PHACTR1: variants seen among roughly 807,000 people sequenced by gnomAD.
PHACTR1 encodes phosphatase and actin regulator 1, also known as RPEL repeat containing 1.
Under a neutral mutation model 69.2 loss-of-function variants are expected in PHACTR1, and 16 were observed. That is an observed-to-expected ratio of 0.23 (90% CI 0.16 to 0.35). The LOEUF (loss-of-function observed/expected upper bound fraction) is 0.35, where lower values mean the gene tolerates loss of function less well. Among genes scored for constraint, PHACTR1 ranks in the 10% least tolerant of loss-of-function variants. The pLI is 1.00. For missense variants in PHACTR1, 510 were observed against 734.7 expected (o/e 0.69, Z 3.54); for synonymous variants, 312 against 284.5 (o/e 1.10, Z -0.97).
intron 5 of PHACTR1, among the ~76,000 whole-genome samples, chr6:13,068,071 CTT>C (rs1278501040): frequency 6.6e-6 from 1 of 152,184 alleles, no homozygotes; most frequent in Non-Finnish European, 1.5e-5. Context: ...AATCCCATCA[CTT>C]TGGGAGGCTG....
At chr6:12,846,253 A>G (rs906110413) in intron 4 of PHACTR1, among the ~76,000 whole-genome samples, 10 of 152,200 alleles carry the variant, frequency 6.6e-5, no homozygotes, top group Non-Finnish European at 1.2e-4. Flanking sequence ...ATAGTTATCA[A>G]TGAATGGATT....
chr6:12,998,837 G>C (rs1797752273), intron 4 of PHACTR1, among the ~76,000 whole-genome samples: 1 of 151,928 alleles, frequency 6.6e-6, no homozygotes, highest in Non-Finnish European at 1.5e-5. Context: ...CAATAAACAA[G>C]TGGACAAAAT....
At chr6:12,725,224 C>T (rs1464197321) in intron 3 of PHACTR1, among the ~76,000 whole-genome samples, 1 of 152,196 alleles carries the variant, frequency 6.6e-6, no homozygotes, top group African/African-American at 2.4e-5. Context: ...ACTTTTGAGT[C>T]TTCAGCTTTG....
chr6:13,067,561 T>C (rs1230018372), intron 5 of PHACTR1, among the ~76,000 whole-genome samples: 2 of 152,234 alleles, frequency 1.3e-5, no homozygotes, highest in African/African-American at 4.8e-5. Flanking sequence ...AGGTGTAGCA[T>C]ACTCGTCTTT....
At chr6:13,263,421 T>C (rs1288941984) in intron 10 of PHACTR1, among the ~76,000 whole-genome samples, 1 of 151,700 alleles carries the variant, frequency 6.6e-6, no homozygotes, top group Non-Finnish European at 1.5e-5. Flanking sequence ...TGATAGCATG[T>C]GGCATTTAAA....
At chr6:12,829,872 C>T (rs919885195) in intron 4 of PHACTR1, among the ~76,000 whole-genome samples, 4 of 150,338 alleles carry the variant, frequency 2.7e-5, no homozygotes, top group African/African-American at 9.8e-5. Flanking sequence ...ACAGGAGAAT[C>T]GCTTGAACCC....
intron 10 of PHACTR1, among the ~76,000 whole-genome samples, chr6:13,231,567 A>T (rs542911509): frequency 6.6e-6 from 1 of 152,338 alleles, no homozygotes; most frequent in African/African-American, 2.4e-5. Context: ...AGCACAAAGC[A>T]ATCAGACAAA....
chr6:13,129,501 A>C (rs1473285540), intron 5 of PHACTR1, among the ~76,000 whole-genome samples: 2 of 152,152 alleles, frequency 1.3e-5, no homozygotes, highest in African/African-American at 2.4e-5. Flanking sequence ...AGTGATCAGG[A>C]GTAGCTATTC....
intron 4 of PHACTR1, among the ~76,000 whole-genome samples, chr6:12,797,708 C>T (rs9472566): frequency 0.07 from 10,585 of 152,210 alleles, 458 homozygotes; most frequent in Admixed American, 0.1. Context: ...CTCTTCCTCA[C>T]TCATCACACT....
Position 12,746,718 on chromosome 6 carries a change from C to T in PHACTR1, c.104-2926C>T, listed in dbSNP as rs944223773. 8.5e-5 allele frequency among the ~76,000 whole-genome samples: 13 copies of T among 152,246 alleles called. No individual in the cohort carries two copies. The South Asian group carries it at 2.5e-3, about 29-fold the overall frequency. On this transcript the variant is annotated intron_variant, in intron 3 of 14. Transcript: ENST00000332995. ...TGGTAGCAATATTAAGTTCCTAATC[C>T]TCTAAAATGTTAAATGAATAAGAAA... is the stretch of plus-strand genomic sequence containing the variant.
intron 5 of PHACTR1, among the ~76,000 whole-genome samples, chr6:13,090,069 T>G (rs1056708572): frequency 1.3e-5 from 2 of 151,536 alleles, no homozygotes; most frequent in Non-Finnish European, 3.0e-5. Flanking sequence ...TGTTGTTGTT[T>G]TTGAGACGGA....
At chr6:12,789,320 T>G (rs938412624) in intron 4 of PHACTR1, among the ~76,000 whole-genome samples, 2 of 152,160 alleles carry the variant, frequency 1.3e-5, no homozygotes, top group African/African-American at 4.8e-5. Flanking sequence ...GCCCCCTCTG[T>G]TAGATTCTCT....
intron 4 of PHACTR1, among the ~76,000 whole-genome samples, chr6:12,839,510 G>C (rs1778483287): frequency 6.6e-6 from 1 of 152,098 alleles, no homozygotes; most frequent in Admixed American, 6.5e-5. Flanking sequence ...TTCTGAGGTA[G>C]GCTGGCCCTT....
intron 5 of PHACTR1, among the ~76,000 whole-genome samples, chr6:13,091,435 T>C (rs903031600): frequency 6.6e-6 from 1 of 152,180 alleles, no homozygotes; most frequent in Non-Finnish European, 1.5e-5. Context: ...GTTTGTTCTT[T>C]AGTGACGTGA....
rs568149800 is a variant in PHACTR1 at position 12,828,537 on chromosome 6, C to T, written c.250+78747C>T. On this transcript the variant is annotated intron_variant, in intron 4 of 14. Coordinates refer to ENST00000332995, the MANE Select transcript of PHACTR1 (RefSeq NM_030948.6). Reference sequence around the variant, plus strand: ...TTGGGTGACTTGTAGTATTTTAAATCCACACCAGAGACCTTTGTAGGGTAT... The same window carrying T: ...TTGGGTGACTTGTAGTATTTTAAATTCACACCAGAGACCTTTGTAGGGTAT... 9.2e-5 allele frequency among the ~76,000 whole-genome samples: 14 copies of T among 152,042 alleles called. No individual in the cohort carries two copies. In the South Asian group the frequency reaches 2.9e-3, roughly 32 times the overall value.
At chr6:12,862,890 G>A (rs2127427990) in intron 4 of PHACTR1, among the ~76,000 whole-genome samples, 1 of 152,304 alleles carries the variant, frequency 6.6e-6, no homozygotes, top group Admixed American at 6.5e-5. Flanking sequence ...CTCTGCAATT[G>A]AAGCAACTGT....
intron 3 of PHACTR1, among the ~76,000 whole-genome samples, chr6:12,721,073 C>G (rs1220803942): frequency 6.6e-6 from 1 of 152,156 alleles, no homozygotes; most frequent in Non-Finnish European, 1.5e-5. Flanking sequence ...CCAGCAAAAG[C>G]CCATCCTCTT....
At chr6:12,837,661 C>A (rs144725448) in intron 4 of PHACTR1, among the ~76,000 whole-genome samples, 1 of 151,492 alleles carries the variant, frequency 6.6e-6, no homozygotes, top group East Asian at 1.9e-4. Context: ...CCTACCCCAA[C>A]GTAGCTATGT....
intron 4 of PHACTR1, among the ~76,000 whole-genome samples, chr6:12,768,238 C>T (rs549112427): frequency 1.3e-5 from 2 of 151,788 alleles, no homozygotes; most frequent in East Asian, 1.9e-4. Flanking sequence ...CCTCAGCCTC[C>T]GGAGAAGCTG....
Sources: gnomAD v4.1 joint callset for allele counts (sites outside exome capture counted in the v4.1 genomes callset) on GRCh38, gnomAD v4.1.1 for gene constraint, MANE v1.5 for transcripts, NCBI Gene and HGNC (gene_info 2026-07-23, HGNC 2026-07-21) for gene names.